The following ELF1 variants were observed in gnomAD, a reference collection of about 807,000 sequenced individuals.
ELF1 encodes ETS-related transcription factor Elf-1.
A neutral mutation model predicts 59.9 loss-of-function variants in ELF1; 24 were observed. The ratio of observed to expected loss-of-function variants is 0.40; its 90% CI spans 0.29 to 0.56. The LOEUF (loss-of-function observed/expected upper bound fraction) is 0.56, where lower values mean the gene tolerates loss of function less well. ELF1 is among the 20% of genes least tolerant of loss of function. The probability of loss-of-function intolerance (pLI) is 0.44; values close to 1 mark genes in which losing one functional copy is unlikely to be tolerated. For missense variants in ELF1, 627 were observed against 742.2 expected, an observed-to-expected ratio of 0.84 and a Z score of 1.80; for synonymous variants, 248 against 266.2, an observed-to-expected ratio of 0.93 and a Z score of 0.67.
At chr13:40,934,491 TG>T (rs1189075345) in intron 8 of ELF1, among the ~76,000 whole-genome samples, 1 of 148,908 alleles carries the variant, frequency 6.7e-6, no homozygotes, top group African/African-American at 2.5e-5. Context: ...GGCGTGATCT[TG>T]GCTCACTGTA....
At chr13:41,018,305 C>A (rs1288237234) in intron 1 of ELF1, among the ~76,000 whole-genome samples, 2 of 152,188 alleles carry the variant, frequency 1.3e-5, no homozygotes, top group Non-Finnish European at 2.9e-5. Context: ...CTCATAACTA[C>A]AATGACAAGT....
chr13:40,990,619 C>G (rs376047786), intron 1 of ELF1, among the ~76,000 whole-genome samples: 204 of 152,012 alleles, frequency 1.3e-3, no homozygotes, highest in African/African-American at 4.4e-3. Context: ...ACTTTGGAGG[C>G]TGAGGTAGGT....
chr13:41,028,687 G>A (rs1357249262), intron 1 of ELF1, among the ~76,000 whole-genome samples: 1 of 152,110 alleles, frequency 6.6e-6, no homozygotes, highest in Non-Finnish European at 1.5e-5. Flanking sequence ...CCTTTACTAT[G>A]TAATATAAGA....
chr13:40,959,087 CA>C (rs1871643646), intron 2 of ELF1, 71 bp from the exon 3 acceptor site: 7 of 1,492,318 alleles, frequency 4.7e-6, no homozygotes, highest in Non-Finnish European at 6.2e-6. Flanking sequence ...AAATAATGCT[CA>C]AAACTATTTT....
intron 3 of ELF1, among the ~76,000 whole-genome samples, chr13:40,957,024 T>C (rs915207172): frequency 8.6e-6 from 1 of 115,918 alleles, no homozygotes; most frequent in Non-Finnish European, 2.1e-5. Flanking sequence ...AAACTGCTAC[T>C]TCTGGAATAT....
intron 1 of ELF1, among the ~76,000 whole-genome samples, chr13:41,043,951 G>C (rs1876732671): frequency 1.3e-5 from 2 of 152,134 alleles, no homozygotes; most frequent in African/African-American, 4.8e-5. Flanking sequence ...TCTTCCATTT[G>C]TTTGTGTCCT....
intron 2 of ELF1, 57 bp from the exon 3 acceptor site, chr13:40,959,073 T>C (rs1566172206): frequency 1.3e-6 from 2 of 1,511,512 alleles, no homozygotes; most frequent in East Asian, 4.5e-5. Flanking sequence ...GTTTTGCTTT[T>C]GTTAAATAAT....
intron 1 of ELF1, among the ~76,000 whole-genome samples, chr13:41,046,077 G>C (rs1876831576): frequency 6.6e-6 from 1 of 152,154 alleles, no homozygotes; most frequent in African/African-American, 2.4e-5. Context: ...CTGGTTTAAA[G>C]TCTGTTCTAT....
intron 1 of ELF1, among the ~76,000 whole-genome samples, chr13:40,998,154 A>G (rs937369649): frequency 3.9e-5 from 6 of 152,228 alleles, no homozygotes; most frequent in African/African-American, 1.4e-4. Flanking sequence ...CAAAAAAACA[A>G]AACAAAAGAA....
chr13:41,034,887 T>A (rs999954949), intron 1 of ELF1, among the ~76,000 whole-genome samples: 3 of 151,826 alleles, frequency 2.0e-5, no homozygotes, highest in African/African-American at 4.8e-5. Flanking sequence ...GTCTACCTTA[T>A]CATGCCTTAC....
At chr13:40,994,975 T>C (rs1874056908) in intron 1 of ELF1, among the ~76,000 whole-genome samples, 1 of 152,208 alleles carries the variant, frequency 6.6e-6, no homozygotes, top group Non-Finnish European at 1.5e-5. Flanking sequence ...AGGGATATGT[T>C]GTTTCAAAGT....
chr13:41,061,361 C>A, exon 1 of ELF1: 1 of 490,654 alleles, frequency 2.0e-6, no homozygotes, highest in Non-Finnish European at 3.7e-6. Flanking sequence ...TCCCGTCCTT[C>A]AGCTCAGGTC....
At chr13:40,938,968 A>G (rs1168216934) in intron 8 of ELF1, among the ~76,000 whole-genome samples, 1 of 152,190 alleles carries the variant, frequency 6.6e-6, no homozygotes, top group Admixed American at 6.5e-5. Flanking sequence ...TTCCATAGTA[A>G]AAGGTTGGGT....
At chr13:41,010,898 G>C (rs548172947) in intron 1 of ELF1, among the ~76,000 whole-genome samples, 1 of 152,244 alleles carries the variant, frequency 6.6e-6, no homozygotes, top group East Asian at 1.9e-4. Flanking sequence ...AGAGAGCCAA[G>C]GGATGATGAA....
intron 1 of ELF1, among the ~76,000 whole-genome samples, chr13:41,015,044 T>C (rs1259905266): frequency 2.0e-5 from 3 of 151,982 alleles, no homozygotes; most frequent in African/African-American, 4.8e-5. Context: ...ATAATAATAG[T>C]GTATTTCTCA....
chr13:40,944,006 C>A, intron 5 of ELF1, 81 bp from the exon 6 acceptor site: 1 of 1,380,088 alleles, frequency 7.2e-7, no homozygotes. Flanking sequence ...TGTCGTTTAC[C>A]CTAAATTTCA....
chr13:41,054,517 C>G (rs1318613499), intron 1 of ELF1, among the ~76,000 whole-genome samples: 1 of 152,134 alleles, frequency 6.6e-6, no homozygotes, highest in Middle Eastern at 3.2e-3. Flanking sequence ...GCTGGCCAAC[C>G]CTAAGAGTAA....
chr13:41,037,722 G>A (rs958490745), intron 1 of ELF1, among the ~76,000 whole-genome samples: 1 of 150,978 alleles, frequency 6.6e-6, no homozygotes, highest in Non-Finnish European at 1.5e-5. Flanking sequence ...CTGGAACCTG[G>A]GAGGTGGAGG....
At chr13:40,949,733 T>A in intron 5 of ELF1, 73 bp downstream of exon 5, 1 of 1,520,734 alleles carries the variant, frequency 6.6e-7, no homozygotes, top group Non-Finnish European at 8.9e-7. Flanking sequence ...GAAAGAACTA[T>A]GTAGAATAAA....
Sources: gnomAD v4.1 joint callset for allele counts (sites outside exome capture counted in the v4.1 genomes callset) on GRCh38, gnomAD v4.1.1 for gene constraint, MANE v1.5 for transcripts, NCBI Gene and HGNC (gene_info 2026-07-23, HGNC 2026-07-21) for gene names.